Variants in SGCZ observed in about 807,000 individuals in gnomAD.
SGCZ encodes the protein sarcoglycan zeta, also known as zeta-sarcoglycan.
In SGCZ, 40 loss-of-function variants were observed where a neutral mutation model predicts 41.3. That is an observed-to-expected ratio of 0.97 (90% CI 0.75 to 1.26). The LOEUF (loss-of-function observed/expected upper bound fraction) is 1.26, where lower values mean the gene tolerates loss of function less well. SGCZ is among the 50% of genes most tolerant of loss of function. The pLI is 0.00. For synonymous variants in SGCZ, 206 were observed against 137.5 expected, an observed-to-expected ratio of 1.50 and a Z score of -3.49; for missense variants, 552 against 369.8, an observed-to-expected ratio of 1.49 and a Z score of -4.04.
At chr8:14,953,290 G>A (rs928413683) in intron 1 of SGCZ, among the ~76,000 whole-genome samples, 1 of 152,132 alleles carries the variant, frequency 6.6e-6, no homozygotes, top group Non-Finnish European at 1.5e-5. Flanking sequence ...GAGAGAGACA[G>A]TCCCAAGGGG....
intron 2 of SGCZ, among the ~76,000 whole-genome samples, chr8:14,341,848 G>T (rs971823629): frequency 3.9e-5 from 6 of 152,180 alleles, no homozygotes. Flanking sequence ...TGATTCTGAA[G>T]CCTCCCAACT....
chr8:15,216,294 A>C (rs1242727898), intron 1 of SGCZ, among the ~76,000 whole-genome samples: 1 of 141,414 alleles, frequency 7.1e-6, no homozygotes, highest in East Asian at 2.0e-4. Flanking sequence ...ATCTCGGCTC[A>C]AGGCAAGCTC....
intron 1 of SGCZ, among the ~76,000 whole-genome samples, chr8:14,650,618 G>A (rs904618441): frequency 1.2e-4 from 18 of 151,930 alleles, no homozygotes; most frequent in African/African-American, 4.1e-4. Flanking sequence ...ATATTAAGCT[G>A]GACTGAAGTA....
At chr8:14,258,550 G>A (rs1799544897) in intron 3 of SGCZ, among the ~76,000 whole-genome samples, 1 of 151,992 alleles carries the variant, frequency 6.6e-6, no homozygotes, top group Non-Finnish European at 1.5e-5. Flanking sequence ...CAGAAGATTT[G>A]TACTTCTCCA....
chr8:15,039,758 G>A (rs6983207), intron 1 of SGCZ, among the ~76,000 whole-genome samples: 61,751 of 152,030 alleles, frequency 0.41, 12,924 homozygotes, highest in South Asian at 0.52. Flanking sequence ...ATTATTGTTT[G>A]TACGTTTTCA....
chr8:14,743,672 C>T (rs954306820), intron 1 of SGCZ, among the ~76,000 whole-genome samples: 3 of 151,922 alleles, frequency 2.0e-5, no homozygotes. Flanking sequence ...CCTCAGTTTG[C>T]TCTCCCCCGC....
intron 1 of SGCZ, among the ~76,000 whole-genome samples, chr8:14,671,350 G>C (rs1170119844): frequency 6.6e-6 from 1 of 152,072 alleles, no homozygotes; most frequent in African/African-American, 2.4e-5. Flanking sequence ...TTCTTATCAG[G>C]TGTTAAAACC....
intron 3 of SGCZ, among the ~76,000 whole-genome samples, chr8:14,294,998 A>G (rs12675591): frequency 0.52 from 78,633 of 151,942 alleles, 20,871 homozygotes; most frequent in African/African-American, 0.58. Context: ...ATGCAAAATG[A>G]TATAATTTGA....
chr8:14,530,345 C>T (rs1379895190), intron 2 of SGCZ, among the ~76,000 whole-genome samples: 1 of 152,010 alleles, frequency 6.6e-6, no homozygotes, highest in African/African-American at 2.4e-5. Context: ...ATACATCAAA[C>T]AAACAATAAC....
intron 1 of SGCZ, among the ~76,000 whole-genome samples, chr8:15,036,217 T>C (rs991966840): frequency 1.3e-5 from 2 of 152,132 alleles, no homozygotes; most frequent in East Asian, 1.9e-4. Flanking sequence ...CATAAACAAA[T>C]TGGATAACCT....
At chr8:14,377,902 G>A (rs914317760) in intron 2 of SGCZ, among the ~76,000 whole-genome samples, 5 of 150,970 alleles carry the variant, frequency 3.3e-5, no homozygotes, top group African/African-American at 1.2e-4. Context: ...GTGTATATGT[G>A]CCACATTTTC....
At chr8:14,697,508 C>T (rs1809002251) in intron 1 of SGCZ, among the ~76,000 whole-genome samples, 1 of 152,016 alleles carries the variant, frequency 6.6e-6, no homozygotes, top group Non-Finnish European at 1.5e-5. Flanking sequence ...AAGGTGCAAT[C>T]CATGTAGTTA....
intron 1 of SGCZ, among the ~76,000 whole-genome samples, chr8:14,949,387 G>C (rs1354848994): frequency 2.0e-5 from 3 of 152,214 alleles, no homozygotes; most frequent in African/African-American, 7.2e-5. Context: ...TCTGAAATAT[G>C]TACCTATTCC....
intron 1 of SGCZ, among the ~76,000 whole-genome samples, chr8:15,182,599 G>A (rs1038592591): frequency 2.0e-5 from 3 of 152,184 alleles, no homozygotes; most frequent in East Asian, 1.9e-4. Context: ...CACCTGTATA[G>A]GACCCTTACC....
chr8:14,823,874 G>A (rs7824430), intron 1 of SGCZ, among the ~76,000 whole-genome samples: 57,132 of 152,036 alleles, frequency 0.38, 14,829 homozygotes, highest in African/African-American at 0.72. Flanking sequence ...GGAATAGATA[G>A]ACAATGGTAT....
rs2130500563 is a variant in SGCZ at position 14,800,524 on chromosome 8, A to T, written c.40-245598T>A. 2.0e-5 allele frequency among the ~76,000 whole-genome samples: 3 copies of T among 152,204 alleles called. No individual in the cohort carries two copies. The Middle Eastern group carries it at 0.01, about 518-fold the overall frequency. On this transcript the variant is annotated intron_variant, in intron 1 of 7. Transcript: ENST00000382080. ...ATGAATTGTAATTCACAGGTTTTGGAGGAGGGGCCTGGTGGAAGGTGATTA... is the reference window on the plus strand; with the variant it reads ...ATGAATTGTAATTCACAGGTTTTGGTGGAGGGGCCTGGTGGAAGGTGATTA...
At chr8:14,797,974 G>A (rs1234907182) in intron 1 of SGCZ, among the ~76,000 whole-genome samples, 1 of 152,224 alleles carries the variant, frequency 6.6e-6, no homozygotes. Context: ...TTCAGAGGAT[G>A]TAGGGAAATA....
At chr8:14,226,241 A>G (rs1806369013) in intron 4 of SGCZ, among the ~76,000 whole-genome samples, 2 of 152,090 alleles carry the variant, frequency 1.3e-5, no homozygotes, top group Non-Finnish European at 2.9e-5. Flanking sequence ...AAAACTTAAA[A>G]AGTATTTCAA....
chr8:15,123,101 T>G (rs1207628955), intron 1 of SGCZ, among the ~76,000 whole-genome samples: 1 of 152,204 alleles, frequency 6.6e-6, no homozygotes, highest in Non-Finnish European at 1.5e-5. Flanking sequence ...GAAGCTTTAA[T>G]GCTCTTCTGC....
Sources: gnomAD v4.1 joint callset for allele counts (sites outside exome capture counted in the v4.1 genomes callset) on GRCh38, gnomAD v4.1.1 for gene constraint, MANE v1.5 for transcripts, NCBI Gene and HGNC (gene_info 2026-07-23, HGNC 2026-07-21) for gene names.